The following HUS1 variants were observed in gnomAD, a reference collection of about 807,000 sequenced individuals.
HUS1 encodes HUS1 checkpoint clamp component, also known as checkpoint protein HUS1.
HUS1 carries 31 observed loss-of-function variants against 32.6 expected under a neutral mutation model. That is an observed-to-expected ratio of 0.95 (90% CI 0.72 to 1.28). The LOEUF (loss-of-function observed/expected upper bound fraction) is 1.28. HUS1 is among the 50% of genes most tolerant of loss of function. HUS1 has a pLI of 0.00. For missense variants in HUS1, 340 were observed against 337.7 expected (o/e 1.01, Z -0.05); for synonymous variants, 123 against 116.6 (o/e 1.06, Z -0.36).
chr7:47,975,736 C>A, intron 4 of HUS1, 49 bp from the exon 5 acceptor site: 1 of 1,088,602 alleles, frequency 9.2e-7, no homozygotes, highest in Non-Finnish European at 1.4e-6. Flanking sequence ...TATTAATATA[C>A]TCTAGTAATG....
intron 5 of HUS1, 52 bp downstream of exon 5, chr7:47,975,561 C>A: frequency 8.2e-7 from 1 of 1,212,588 alleles, no homozygotes; most frequent in East Asian, 2.3e-5. Context: ...GGAGAACCCA[C>A]GCCGTCCCAC....
chr7:47,967,562 G>A (rs1170796067), intron 7 of HUS1, among the ~76,000 whole-genome samples: 2 of 152,174 alleles, frequency 1.3e-5, no homozygotes, highest in Non-Finnish European at 2.9e-5. Flanking sequence ...ACCAACCAGT[G>A]TGGCTGCAGG....
At chr7:47,967,767 T>C in intron 7 of HUS1, 39 bp downstream of exon 7, 1 of 1,585,688 alleles carries the variant, frequency 6.3e-7, no homozygotes, top group Non-Finnish European at 8.6e-7. Context: ...ATTTAGAATA[T>C]GAAAGAATAT....
chr7:47,972,406 A>T (rs1288513537), intron 5 of HUS1, among the ~76,000 whole-genome samples: 1 of 152,204 alleles, frequency 6.6e-6, no homozygotes, highest in Non-Finnish European at 1.5e-5. Flanking sequence ...CTAACCATTA[A>T]CACCTGGTGC....
chr7:47,965,696 G>T (rs1788464540), intron 7 of HUS1, among the ~76,000 whole-genome samples: 1 of 152,172 alleles, frequency 6.6e-6, no homozygotes, highest in African/African-American at 2.4e-5. Context: ...CAGCAGGCTG[G>T]CTTCCTGGCA....
chr7:47,966,476 C>G (rs1788480438), intron 7 of HUS1, among the ~76,000 whole-genome samples: 1 of 152,144 alleles, frequency 6.6e-6, no homozygotes, highest in Non-Finnish European at 1.5e-5. Context: ...CCCAAAATAC[C>G]AAGTTCAAAG....
intron 5 of HUS1, chr7:47,971,490 C>CA (rs1171427520): frequency 4.4e-6 from 2 of 456,628 alleles, no homozygotes; most frequent in Non-Finnish European, 8.8e-6. Flanking sequence ...CCCCAACAAC[C>CA]AATCAGTTCT....
intron 7 of HUS1, among the ~76,000 whole-genome samples, chr7:47,967,062 C>A (rs1295771170): frequency 6.6e-6 from 1 of 152,210 alleles, no homozygotes; most frequent in Non-Finnish European, 1.5e-5. Flanking sequence ...CAGCACACTG[C>A]AGATCTGAAG....
chr7:47,975,253 G>A (rs1358468659), intron 5 of HUS1, among the ~76,000 whole-genome samples: 1 of 150,586 alleles, frequency 6.6e-6, no homozygotes, highest in Non-Finnish European at 1.5e-5. Flanking sequence ...GGGAGGCGGA[G>A]CTTACAGTGA....
chr7:47,976,413 G>C, intron 4 of HUS1: 1 of 471,640 alleles, frequency 2.1e-6, no homozygotes, highest in Non-Finnish European at 4.2e-6. Flanking sequence ...CTGAGGAAAA[G>C]ATCAAGTCCT....
At chr7:47,978,938 G>T in intron 1 of HUS1, 122 bp from the exon 2 acceptor site, 1 of 990,844 alleles carries the variant, frequency 1.0e-6, no homozygotes, top group Non-Finnish European at 1.5e-6. Flanking sequence ...CTTAACGTTG[G>T]TATCACACTG....
rs1288028501 is a variant in HUS1 at position 47,963,362 on chromosome 7, A to G, written c.*1994T>C. On this transcript the variant is annotated 3_prime_UTR_variant, in exon 8 of 8. Coordinates refer to ENST00000258774, the MANE Select transcript of HUS1 (RefSeq NM_004507.4). ...TCTTAAGCCATTCATTAAAATCTTC[A>G]AAATTATATGTATTTGATAATAAAC... 3 of 152,250 alleles carry G rather than the reference A, an allele frequency of 2.0e-5. No homozygotes were observed. The highest frequency in any genetic ancestry group is 4.4e-5 in the Non-Finnish European group (3 of 68,052). The allele number at this position is 152,250 out of a possible 1,614,324, so 9.4% of individuals were successfully genotyped here.
intron 5 of HUS1, among the ~76,000 whole-genome samples, chr7:47,970,127 G>A (rs936665485): frequency 1.3e-4 from 19 of 150,796 alleles, no homozygotes; most frequent in Non-Finnish European, 2.7e-4. Context: ...CAGCTACTCG[G>A]GAGGCTGAGG....
rs745724153 is a variant in HUS1, at chr7:47,976,812, A to G, written c.383T>C (p.Ile128Thr). 22 of 1,612,484 alleles carry G rather than the reference A, an allele frequency of 1.4e-5. No homozygotes were observed. In the African/African-American group the frequency reaches 1.9e-4, roughly 14 times the overall value. The change falls in exon 4 of 8, where the codon ATT becomes ACT. Residue 128 changes from isoleucine (I) to threonine (T), a missense_variant. By Grantham distance (89) the Ile-to-Thr change is moderately conservative. Transcript: ENST00000258774. ...ELLSMSSSSR[I>T]VTHDIPIKVI... ...CTTTATGGGGATGTCATGGGTCACA[A>G]TGCGGCTACTGCTTGACATAGATAA...
chr7:47,970,000 G>A (rs892669244), intron 5 of HUS1, among the ~76,000 whole-genome samples: 9 of 152,016 alleles, frequency 5.9e-5, no homozygotes, highest in Admixed American at 2.0e-4. Flanking sequence ...TTGGGAGGCC[G>A]AGGCGGGCGG....
chr7:47,972,219 A>G (rs1445792914), intron 5 of HUS1, among the ~76,000 whole-genome samples: 2 of 152,254 alleles, frequency 1.3e-5, no homozygotes, highest in Admixed American at 1.3e-4. Flanking sequence ...CACACACCCA[A>G]GATCTGTAAA....
chr7:47,973,744 T>C (rs1318938048), intron 5 of HUS1, among the ~76,000 whole-genome samples: 1 of 152,232 alleles, frequency 6.6e-6, no homozygotes, highest in Non-Finnish European at 1.5e-5. Context: ...TATTTCTATG[T>C]TTTTTTAAAC....
chr7:47,966,852 C>G (rs1399321753), intron 7 of HUS1, among the ~76,000 whole-genome samples: 1 of 152,196 alleles, frequency 6.6e-6, no homozygotes, highest in Non-Finnish European at 1.5e-5. Flanking sequence ...CTGGCCTAGT[C>G]TAGCTTCTCC....
Position 47,978,746 on chromosome 7 carries a change from G to T in HUS1, c.123C>A (p.Phe41Leu). ...CATTAGCCAGCTTGTCACAAAGGAT[G>T]AAGTTAAGCTTATCAGGGCTGATGC... ...TLRISPDKLNFILCDKLANGG... is the reference protein window; with the variant it reads ...TLRISPDKLNLILCDKLANGG... The change falls in exon 2 of 8, where the codon TTC becomes TTA. Residue 41 changes from phenylalanine to leucine, a missense_variant. Physicochemically the swap from Phe to Leu is conservative, Grantham distance 22. Transcript: ENST00000258774. The T allele has an allele frequency of 6.2e-7, 1 of 1,614,256 alleles. No homozygotes were observed. The highest frequency in any genetic ancestry group is 1.1e-5 in the South Asian group (1 of 91,090).
Sources: allele counts gnomAD v4.1 joint callset (sites outside exome capture counted in the v4.1 genomes callset), GRCh38; gene constraint gnomAD v4.1.1; transcripts MANE v1.5; gene names NCBI Gene and HGNC (gene_info 2026-07-23, HGNC 2026-07-21).